The following PRH1 variants were observed in gnomAD, a reference collection of about 807,000 sequenced individuals.
The protein encoded by PRH1 is proline rich protein HaeIII subfamily 1, also known as salivary acidic proline-rich phosphoprotein 1/2.
PRH1 carries 7 observed loss-of-function variants against 7.9 expected under a neutral mutation model. That is an observed-to-expected ratio of 0.89 (90% confidence interval 0.50 to 1.67). The LOEUF (loss-of-function observed/expected upper bound fraction) is 1.67, where lower values mean the gene tolerates loss of function less well. Among genes scored for constraint, PRH1 ranks in the 40% most tolerant of loss-of-function variants. PRH1 has a pLI of 0.00. For synonymous variants in PRH1, 45 were observed against 80.8 expected (o/e 0.56, Z 2.38); for missense variants, 109 against 223.6 (o/e 0.49, Z 3.27).
chr12:10,968,436 A>T (rs1169285745), intron 2 of PRH1, among the ~76,000 whole-genome samples: 1 of 152,238 alleles, frequency 6.6e-6, no homozygotes, highest in Non-Finnish European at 1.5e-5. Flanking sequence ...ATGTAGATAG[A>T]GATGATGATG....
At chr12:10,909,636 T>C (rs1949866205) in intron 2 of PRH1, 1 of 250,554 alleles carries the variant, frequency 4.0e-6, no homozygotes, top group Non-Finnish European at 7.6e-6. Context: ...ATATTCTCTT[T>C]CATTGTTTTG....
intron 2 of PRH1, among the ~76,000 whole-genome samples, chr12:10,947,244 A>G (rs183351391): frequency 5.9e-5 from 9 of 152,244 alleles, no homozygotes; most frequent in South Asian, 2.1e-4. Flanking sequence ...ACTCACTATT[A>G]TTGGGTGGGA....
At chr12:11,014,973 C>T (rs1305607640) in intron 1 of PRH1, among the ~76,000 whole-genome samples, 1 of 152,046 alleles carries the variant, frequency 6.6e-6, no homozygotes, top group Non-Finnish European at 1.5e-5. Context: ...TCACAGGCAC[C>T]AGGGAGAGGC....
chr12:11,151,694 T>C (rs1212824889), intron 1 of PRH1, among the ~76,000 whole-genome samples: 1 of 152,200 alleles, frequency 6.6e-6, no homozygotes, highest in Non-Finnish European at 1.5e-5. Context: ...ATGATAAGCA[T>C]TTGTTACAAG....
At chr12:10,961,246 T>A (rs1487502674) in intron 2 of PRH1, among the ~76,000 whole-genome samples, 1 of 143,684 alleles carries the variant, frequency 7.0e-6, no homozygotes, top group African/African-American at 3.0e-5. Context: ...GTGCCCTCTG[T>A]CTCAAAAACA....
intron 2 of PRH1, among the ~76,000 whole-genome samples, chr12:10,942,495 C>T (rs1950418445): frequency 6.6e-6 from 1 of 152,108 alleles, no homozygotes; most frequent in South Asian, 2.1e-4. Context: ...AGTGAGAGAA[C>T]GCTGGCAGTC....
intron 1 of PRH1, among the ~76,000 whole-genome samples, chr12:11,141,644 G>C (rs1359661320): frequency 6.6e-6 from 1 of 152,086 alleles, no homozygotes; most frequent in Admixed American, 6.5e-5. Context: ...ATTCTCTTTG[G>C]ATAGTCTTTC....
chr12:11,045,814 G>A (rs1007042316), intron 1 of PRH1, among the ~76,000 whole-genome samples: 2 of 152,114 alleles, frequency 1.3e-5, no homozygotes, highest in Non-Finnish European at 2.9e-5. Flanking sequence ...ATTAAATTCA[G>A]TGAGTTGATG....
chr12:10,896,620 G>A (rs1368833295), intron 2 of PRH1, among the ~76,000 whole-genome samples: 3 of 151,964 alleles, frequency 2.0e-5, no homozygotes, highest in African/African-American at 4.8e-5. Context: ...AAATTAGCTG[G>A]GCTTGGTGGC....
At chr12:11,014,650 C>T (rs542841496) in intron 1 of PRH1, among the ~76,000 whole-genome samples, 1 of 152,200 alleles carries the variant, frequency 6.6e-6, no homozygotes, top group African/African-American at 2.4e-5. Context: ...ATTCCGAGAA[C>T]AAGAATTCAA....
At chr12:10,951,742 TA>T (rs1269058417) in intron 2 of PRH1, among the ~76,000 whole-genome samples, 7 of 152,318 alleles carry the variant, frequency 4.6e-5, no homozygotes, top group South Asian at 2.1e-4. Flanking sequence ...CTTGAGCACT[TA>T]AAAAATGTGT....
intron 2 of PRH1, among the ~76,000 whole-genome samples, chr12:10,890,203 A>T (rs566716547): frequency 3.3e-5 from 5 of 152,314 alleles, no homozygotes; most frequent in Non-Finnish European, 7.4e-5. Context: ...ACTGGCTCAA[A>T]TGGCCAGGGA....
chr12:11,082,052 C>A (rs1944516135), intron 1 of PRH1, among the ~76,000 whole-genome samples: 1 of 116,800 alleles, frequency 8.6e-6, no homozygotes, highest in Non-Finnish European at 2.0e-5. Flanking sequence ...TTCAGCCTGA[C>A]TTGAACTTTG....
chr12:11,136,226 G>T (rs1326781201), intron 1 of PRH1, among the ~76,000 whole-genome samples: 1 of 152,128 alleles, frequency 6.6e-6, no homozygotes, highest in Non-Finnish European at 1.5e-5. Context: ...ACTCTGTGTA[G>T]GTGCATTCCT....
chr12:11,046,369 CCAGA>C (rs1942898210), intron 1 of PRH1, among the ~76,000 whole-genome samples: 1 of 152,070 alleles, frequency 6.6e-6, no homozygotes, highest in Non-Finnish European at 1.5e-5. Flanking sequence ...GGTATAGGGA[CCAGA>C]CAAAGCTTTG....
chr12:11,031,406 C>T (rs1942210257), intron 1 of PRH1: 1 of 1,546,626 alleles, frequency 6.5e-7, no homozygotes, highest in South Asian at 1.3e-5. Context: ...CAGGTGGGTT[C>T]GTGGTCTCCC....
At chr12:11,168,318 AGG>A (rs1947682755) in intron 1 of PRH1, among the ~76,000 whole-genome samples, 1 of 79,778 alleles carries the variant, frequency 1.3e-5, no homozygotes, top group Non-Finnish European at 3.0e-5. Context: ...GAAGGAAGGA[AGG>A]AAGGAAGGAA....
rs1354900980 is a variant in PRH1, at chr12:10,896,696, A to G, written c.-58-12421T>C. 15 of 144,846 alleles carry G rather than the reference A, an allele frequency of 1.0e-4. No homozygotes were observed. In the Admixed American group the frequency reaches 1.1e-3, roughly 11 times the overall value. 9.0% of individuals were successfully genotyped at this position (144,846 alleles called of 1,614,324 possible). A position where few individuals can be genotyped will look rare whatever the true frequency, so the allele number is the denominator to read the frequency against. On this transcript the variant is annotated intron_variant, in intron 2 of 3. Coordinates refer to the PRH1 transcript ENST00000539853. ...AGAATCGCTTGAACCCAGGAGGCAG[A>G]TGTTGCAGTGAGCCGAGATCACACT... is the stretch of plus-strand genomic sequence containing the variant.
chr12:11,083,349 A>ATTG (rs1244016480), intron 1 of PRH1, among the ~76,000 whole-genome samples: 1 of 119,108 alleles, frequency 8.4e-6, no homozygotes, highest in African/African-American at 2.8e-5. Context: ...TCCTTTTTTA[A>ATTG]ATTAAAGAAA....
Sources: allele counts gnomAD v4.1 joint callset (sites outside exome capture counted in the v4.1 genomes callset), GRCh38; gene constraint gnomAD v4.1.1; transcripts MANE v1.5; gene names NCBI Gene and HGNC (gene_info 2026-07-23, HGNC 2026-07-21).